DRC7: variants seen among roughly 807,000 people sequenced by gnomAD.
The protein encoded by DRC7 is coiled-coil domain containing 135.
Under a neutral mutation model 104.4 loss-of-function variants are expected in DRC7, and 80 were observed. The ratio of observed to expected loss-of-function variants is 0.77; its 90% CI spans 0.64 to 0.92. The LOEUF is 0.92. Ranked by LOEUF, DRC7 falls within the 40% of genes least tolerant of loss-of-function variation. The pLI is 0.00. For missense variants in DRC7, 1,034 were observed against 1,141.1 expected (o/e 0.91, Z 1.35); for synonymous variants, 405 against 447.3 (o/e 0.91, Z 1.19).
intron 9 of DRC7, among the ~76,000 whole-genome samples, chr16:57,718,718 C>T (rs879300550): frequency 9.2e-5 from 14 of 152,208 alleles, no homozygotes; most frequent in Admixed American, 7.9e-4. Context: ...GACTTGACGT[C>T]AGGTCTTCTG....
chr16:57,698,907 C>T lies in DRC7; in HGVS notation c.261C>T (p.Asn87=). The change falls in exon 4 of 19, where the codon AAC becomes AAT. Residue 87 remains asparagine (N), a synonymous_variant. Coordinates refer to ENST00000360716, the MANE Select transcript of DRC7 (RefSeq NM_001289162.2). The part of the protein sequence containing the change: ...ISKLPISYKT[N]TPKEEHLLQV... ...AGCTGCCCATTTCCTACAAAACCAA[C>T]ACACCCAAGGAGGAACACCTGCTGC... 2 of 1,614,152 alleles carry T rather than the reference C, an allele frequency of 1.2e-6. No individual in the cohort carries two copies.
At chr16:57,714,070 C>T (rs769030326) in intron 8 of DRC7, 4 of 212,698 alleles carry the variant, frequency 1.9e-5, no homozygotes, top group South Asian at 1.4e-4. Flanking sequence ...TTCCTTTGAC[C>T]GAGTTATCAT....
At chr16:57,712,494 T>C (rs1263992375) in intron 8 of DRC7, among the ~76,000 whole-genome samples, 1 of 152,228 alleles carries the variant, frequency 6.6e-6, no homozygotes, top group Non-Finnish European at 1.5e-5. Context: ...CCCACCTTAT[T>C]GTCAATAAAC....
chr16:57,728,339 G>A, intron 16 of DRC7, 51 bp from the exon 17 acceptor site: 5 of 1,484,524 alleles, frequency 3.4e-6, no homozygotes, highest in Non-Finnish European at 4.5e-6. Context: ...AGCTGGTGGA[G>A]AGGTCTCTGT....
At chr16:57,710,034 T>C (rs1307259558) in intron 8 of DRC7, among the ~76,000 whole-genome samples, 2 of 152,196 alleles carry the variant, frequency 1.3e-5, no homozygotes, top group Non-Finnish European at 2.9e-5. Flanking sequence ...AGTGCTGGGA[T>C]TACAGGCTTG....
intron 6 of DRC7, among the ~76,000 whole-genome samples, chr16:57,703,774 C>G (rs750882983): frequency 7.2e-5 from 11 of 152,044 alleles, no homozygotes; most frequent in Non-Finnish European, 1.2e-4. Flanking sequence ...CCAGACCAGC[C>G]TGGCCAACAT....
In DRC7 at chr16:57,731,178, G is replaced by A. The variant is rs563128211; in HGVS notation, c.2545G>A (p.Ala849Thr). ...EQRLNRHKEL[A>T]PLKYLALEEK... ...CTCTGACTTCAGACACAAGGAACTG[G>A]CCCCACTGAAGTACCTGGCTCTGGA... Residue 849 changes from alanine (A) to threonine (T), a missense_variant, in exon 19 of 19, where the codon GCC becomes ACC. Ala to Thr is a moderately conservative substitution (Grantham distance 58). Coordinates refer to ENST00000360716, the MANE Select transcript of DRC7 (RefSeq NM_001289162.2). 6.2e-7 allele frequency: 1 copy of A among 1,613,866 alleles called. No individual in the cohort carries two copies. The highest frequency in any genetic ancestry group is 1.1e-5 in the South Asian group (1 of 91,084).
Position 57,726,890 on chromosome 16 carries a change from T to G in DRC7, c.2033T>G (p.Leu678Arg). 1 of 1,613,222 alleles carries G rather than the reference T, an allele frequency of 6.2e-7. No individual in the cohort carries two copies. Among genetic ancestry groups the G allele is most frequent in the Non-Finnish European group, 8.5e-7 (1 of 1,179,774 alleles). The stretch of plus-strand genomic sequence containing the variant: ...TACCAGTACGAGGCCATGATGCACC[T>G]GAAGAGGGAGGAGAAGCTGTCCAGA... ...LLYQYEAMMHLKREEKLSRHQ... is the reference protein window; with the variant it reads ...LLYQYEAMMHRKREEKLSRHQ... Residue 678 changes from leucine to arginine, a missense_variant, in exon 15 of 19, where the codon CTG (leucine) becomes CGG (arginine). Leu to Arg is a moderately radical substitution (Grantham distance 102, BLOSUM62 -2). Transcript: ENST00000360716.
chr16:57,722,884 GGC>G, intron 11 of DRC7, 43 bp downstream of exon 11: 4 of 1,612,718 alleles, frequency 2.5e-6, no homozygotes, highest in Middle Eastern at 3.3e-4. Context: ...CCAGCCCAGG[GGC>G]GGGGGCGGCT....
At chr16:57,702,659 C>T (rs892828343) in intron 6 of DRC7, among the ~76,000 whole-genome samples, 7 of 151,984 alleles carry the variant, frequency 4.6e-5, no homozygotes, top group African/African-American at 9.7e-5. Context: ...AAATTAGCCA[C>T]GCATGGTGGC....
intron 17 of DRC7, among the ~76,000 whole-genome samples, chr16:57,729,057 G>A (rs76303080): frequency 3.5e-5 from 5 of 144,268 alleles, no homozygotes; most frequent in African/African-American, 1.1e-4. Flanking sequence ...TGGGTGGGTG[G>A]GTGAGTGAGT....
At chr16:57,717,268 T>C in intron 8 of DRC7, among the ~76,000 whole-genome samples, 1 of 135,610 alleles carries the variant, frequency 7.4e-6, no homozygotes, top group African/African-American at 2.8e-5. Flanking sequence ...AGGGTCTTAC[T>C]CTGTCTCCCA....
At chr16:57,716,475 C>G (rs1297711031) in intron 8 of DRC7, among the ~76,000 whole-genome samples, 1 of 149,186 alleles carries the variant, frequency 6.7e-6, no homozygotes, top group Non-Finnish European at 1.5e-5. Context: ...TGCACTCCAG[C>G]CTGGGCAACA....
At chr16:57,707,415 C>T in intron 7 of DRC7, 45 bp from the exon 8 acceptor site, 1 of 1,563,636 alleles carries the variant, frequency 6.4e-7, no homozygotes, top group Non-Finnish European at 8.7e-7. Context: ...CCTGACACTC[C>T]TCTTCCAGCC....
chr16:57,717,401 TA>T (rs56358409), intron 8 of DRC7, among the ~76,000 whole-genome samples: 1,980 of 132,726 alleles, frequency 0.015, 41 homozygotes, highest in African/African-American at 0.046. Context: ...TGCACTGGCT[TA>T]AAAAAAAAAA....
At chr16:57,720,074 T>C (rs988263849) in intron 9 of DRC7, among the ~76,000 whole-genome samples, 8 of 152,192 alleles carry the variant, frequency 5.3e-5, no homozygotes, top group Non-Finnish European at 8.8e-5. Flanking sequence ...CTGGGATCCA[T>C]TGTATCTACT....
intron 3 of DRC7, among the ~76,000 whole-genome samples, 166 bp from the exon 4 acceptor site, chr16:57,698,684 G>A (rs376855625): frequency 6.6e-6 from 1 of 152,148 alleles, no homozygotes; most frequent in Admixed American, 6.5e-5. Context: ...AGCAAGACCT[G>A]TCTCTTAAAT....
chr16:57,706,490 T>C (rs1332746353), intron 7 of DRC7, among the ~76,000 whole-genome samples: 37 of 83,262 alleles, frequency 4.4e-4, no homozygotes, highest in Middle Eastern at 0.017. Context: ...ATCCGTCCTC[T>C]CATCCATGCT....
chr16:57,700,370 CG>C, intron 5 of DRC7, 100 bp downstream of exon 5: 2 of 1,444,750 alleles, frequency 1.4e-6, no homozygotes, highest in Non-Finnish European at 1.9e-6. Flanking sequence ...ACTTAGAGGC[CG>C]GGCGTGGTAG....
Sources: gnomAD v4.1 joint callset for allele counts (sites outside exome capture counted in the v4.1 genomes callset) on GRCh38, gnomAD v4.1.1 for gene constraint, MANE v1.5 for transcripts, NCBI Gene and HGNC (gene_info 2026-07-23, HGNC 2026-07-21) for gene names.